EPB41L4A: variants seen among roughly 807,000 people sequenced by gnomAD.
EPB41L4A encodes erythrocyte membrane protein band 4.1 like 4A.
In EPB41L4A, 100 loss-of-function variants were observed where a neutral mutation model predicts 108.6. That is an observed-to-expected ratio of 0.92 (90% CI 0.78 to 1.09). The LOEUF (loss-of-function observed/expected upper bound fraction) is 1.09, where lower values mean the gene tolerates loss of function less well. EPB41L4A is among the 50% of genes least tolerant of loss of function. EPB41L4A has a pLI of 0.00. For missense variants in EPB41L4A, 1,030 were observed against 842.7 expected (o/e 1.22, Z -2.75); for synonymous variants, 319 against 289.0 (o/e 1.10, Z -1.05).
chr5:112,165,877 A>G (rs1760212897), intron 22 of EPB41L4A, among the ~76,000 whole-genome samples: 1 of 152,190 alleles, frequency 6.6e-6, no homozygotes, highest in African/African-American at 2.4e-5. Context: ...ATCTGTTCCT[A>G]TGACTGGCTT....
At chr5:112,406,393 A>C (rs1052079662) in intron 1 of EPB41L4A, among the ~76,000 whole-genome samples, 2 of 152,232 alleles carry the variant, frequency 1.3e-5, no homozygotes, top group African/African-American at 4.8e-5. Context: ...TTTACAAAAT[A>C]AAGACCAAGG....
At chr5:112,374,475 C>T (rs542193830) in intron 1 of EPB41L4A, among the ~76,000 whole-genome samples, 1 of 152,276 alleles carries the variant, frequency 6.6e-6, no homozygotes, top group East Asian at 1.9e-4. Flanking sequence ...AAAAATGATT[C>T]GCACTATAAA....
chr5:112,153,586 G>T (rs910672642), intron 12 of EPB41L4A, among the ~76,000 whole-genome samples: 94 of 149,342 alleles, frequency 6.3e-4, no homozygotes, highest in African/African-American at 1.8e-3. Flanking sequence ...TAGAGAGAGA[G>T]AGAGAGAGAG....
At chr5:112,378,837 C>G (rs995583307) in intron 1 of EPB41L4A, among the ~76,000 whole-genome samples, 4 of 152,172 alleles carry the variant, frequency 2.6e-5, no homozygotes, top group Admixed American at 2.6e-4. Flanking sequence ...GTTTGAATGG[C>G]TGGTAGGGTG....
At chr5:112,199,215 A>T (rs989827242) in intron 15 of EPB41L4A, among the ~76,000 whole-genome samples, 1 of 152,196 alleles carries the variant, frequency 6.6e-6, no homozygotes, top group African/African-American at 2.4e-5. Flanking sequence ...AACCGTTTCA[A>T]TGGAAGATGC....
At chr5:112,244,148 T>C (rs1333483145) in intron 9 of EPB41L4A, among the ~76,000 whole-genome samples, 1 of 152,204 alleles carries the variant, frequency 6.6e-6, no homozygotes, top group Non-Finnish European at 1.5e-5. Flanking sequence ...TGTAGGGTTA[T>C]TAACTGACCT....
chr5:112,153,011 G>T (rs542848427), intron 12 of EPB41L4A, among the ~76,000 whole-genome samples: 3 of 152,088 alleles, frequency 2.0e-5, no homozygotes, highest in East Asian at 1.9e-4. Context: ...TTCAGTTCAG[G>T]AGTTCGAGAC....
chr5:112,253,596 A>T (rs1750848527), intron 9 of EPB41L4A, among the ~76,000 whole-genome samples: 1 of 152,208 alleles, frequency 6.6e-6, no homozygotes, highest in African/African-American at 2.4e-5. Context: ...ACCATACTGC[A>T]GTTACATCGG....
At chr5:112,309,541 C>G (rs1754913310) in intron 1 of EPB41L4A, among the ~76,000 whole-genome samples, 1 of 152,150 alleles carries the variant, frequency 6.6e-6, no homozygotes, top group African/African-American at 2.4e-5. Flanking sequence ...AAATTTTACA[C>G]TTTTGATGTG....
intron 5 of EPB41L4A, among the ~76,000 whole-genome samples, chr5:112,265,604 T>C (rs75735090): frequency 0.025 from 3,783 of 152,328 alleles, 92 homozygotes; most frequent in African/African-American, 0.067. Context: ...TTTCCTAGCA[T>C]ATTTCTTCTA....
chr5:112,413,000 A>G (rs1369098450), intron 1 of EPB41L4A, among the ~76,000 whole-genome samples: 1 of 152,250 alleles, frequency 6.6e-6, no homozygotes, highest in African/African-American at 2.4e-5. Context: ...ATTCAGCAAG[A>G]TTAAAAATTA....
Position 112,183,650 on chromosome 5 carries a change from G to C in EPB41L4A, c.1622+366C>G, listed in dbSNP as rs1761276160. On this transcript the variant is annotated intron_variant, in intron 18 of 22. Transcript: ENST00000261486. ...AGATATTCACATCTGGTTCAGTCTG[G>C]AACAAGACTTCAGAGAATTGTGCAG... Among the ~76,000 whole-genome samples, 8 of 152,144 alleles carry C rather than the reference G, an allele frequency of 5.3e-5. No homozygotes were observed. In the South Asian group the frequency reaches 1.5e-3, roughly 28 times the overall value.
intron 12 of EPB41L4A, among the ~76,000 whole-genome samples, chr5:112,212,452 C>T (rs1747248902): frequency 6.6e-6 from 1 of 151,996 alleles, no homozygotes; most frequent in Non-Finnish European, 1.5e-5. Flanking sequence ...GACACTGAGT[C>T]CAGCTAATTT....
intron 4 of EPB41L4A, among the ~76,000 whole-genome samples, chr5:112,274,278 T>A (rs925649574): frequency 2.6e-5 from 4 of 152,160 alleles, no homozygotes; most frequent in African/African-American, 4.8e-5. Context: ...AGACCCTGTG[T>A]CTTAAAAAAT....
At chr5:112,414,154 T>C (rs1226424143) in intron 1 of EPB41L4A, among the ~76,000 whole-genome samples, 1 of 152,176 alleles carries the variant, frequency 6.6e-6, no homozygotes, top group Non-Finnish European at 1.5e-5. Context: ...ACTGCAGGTA[T>C]TGTTTTGTGT....
At chr5:112,345,884 T>C (rs1300560599) in intron 1 of EPB41L4A, among the ~76,000 whole-genome samples, 1 of 152,056 alleles carries the variant, frequency 6.6e-6, no homozygotes, top group Non-Finnish European at 1.5e-5. Flanking sequence ...TACTACATTT[T>C]CCAAATTTTC....
At chr5:112,161,380 G>A, downstream of EPB41L4A, 1 of 416,488 alleles carries the variant, frequency 2.4e-6, no homozygotes, top group Non-Finnish European at 4.7e-6. Flanking sequence ...ATTTTAAATC[G>A]TGAGAAAATT....
intron 6 of EPB41L4A, among the ~76,000 whole-genome samples, 181 bp from the exon 7 acceptor site, chr5:112,262,762 T>C (rs1751583703): frequency 1.3e-5 from 2 of 152,228 alleles, no homozygotes; most frequent in South Asian, 4.1e-4. Context: ...TACTCTGAAG[T>C]GATACTTATA....
intron 1 of EPB41L4A, among the ~76,000 whole-genome samples, chr5:112,409,494 A>C (rs536827367): frequency 3.7e-4 from 57 of 152,346 alleles, no homozygotes; most frequent in African/African-American, 1.3e-3. Flanking sequence ...TACAATTTAT[A>C]TCTCAATAAA....
Sources: gnomAD v4.1 joint callset for allele counts (sites outside exome capture counted in the v4.1 genomes callset) on GRCh38, gnomAD v4.1.1 for gene constraint, MANE v1.5 for transcripts, NCBI Gene and HGNC (gene_info 2026-07-23, HGNC 2026-07-21) for gene names.